The following TMX4 variants were observed in gnomAD, a reference collection of about 807,000 sequenced individuals.
TMX4 encodes thioredoxin related transmembrane protein 4.
In TMX4, 23 loss-of-function variants were observed where a neutral mutation model predicts 33.3. The ratio of observed to expected loss-of-function variants is 0.69; its 90% CI spans 0.50 to 0.98. The LOEUF (loss-of-function observed/expected upper bound fraction) is 0.98, where lower values mean the gene tolerates loss of function less well. Ranked by LOEUF, TMX4 falls within the 50% of genes least tolerant of loss-of-function variation. The pLI is 0.00. For missense variants in TMX4, 399 were observed against 448.9 expected (o/e 0.89, Z 1.01); for synonymous variants, 164 against 161.5 (o/e 1.02, Z -0.12).
At chr20:8,003,237 A>G (rs2050714636) in intron 2 of TMX4, among the ~76,000 whole-genome samples, 2 of 152,200 alleles carry the variant, frequency 1.3e-5, no homozygotes, top group African/African-American at 4.8e-5. Context: ...ATGACCAGCC[A>G]AAAATTTTAT....
At chr20:8,019,264 G>C (rs1030816645) in intron 1 of TMX4, 174 bp downstream of exon 1, 1 of 733,900 alleles carries the variant, frequency 1.4e-6, no homozygotes, top group African/African-American at 1.9e-5. Flanking sequence ...GAGCCCAGCG[G>C]CAGTGCAGGA....
In TMX4 at chr20:7,987,336, A is replaced by AT. The variant is rs1568533838; in HGVS notation, c.566dup (p.Tyr189Ter). Reference sequence around the variant, plus strand: ...CCAAGGTGGCTATGACGAAAAAGACATAAGAACACCAAGCAGGAATTCCAA... The same window carrying AT: ...CCAAGGTGGCTATGACGAAAAAGACATTAAGAACACCAAGCAGGAATTCCAA... ...VTLGIPAWCS[Y>*]VFFVIATLVF... The change falls in exon 6 of 8, where the codon TAT (tyrosine) becomes TAAT (stop). Residue 189 changes from tyrosine (Y) to a stop codon, truncating the protein, a stop_gained and frameshift_variant. Coordinates refer to ENST00000246024, the MANE Select transcript of TMX4 (RefSeq NM_021156.4). LOFTEE classifies it high-confidence loss of function. 1 of 1,601,480 alleles carries AT rather than the reference A, an allele frequency of 6.2e-7. No individual in the cohort carries two copies. Among genetic ancestry groups the AT allele is most frequent in the Non-Finnish European group, 8.5e-7 (1 of 1,176,760 alleles).
chr20:8,008,967 T>C (rs2050741370), intron 2 of TMX4, among the ~76,000 whole-genome samples: 1 of 152,158 alleles, frequency 6.6e-6, no homozygotes, highest in Non-Finnish European at 1.5e-5. Flanking sequence ...TCTATTCTGT[T>C]ATCCAAGTAA....
At position 8,003,100 on chromosome 20, in the gene TMX4, A is replaced by G. The variant is rs78546325; in HGVS notation, c.293-1559T>C. On this transcript the variant is annotated intron_variant, in intron 2 of 7. Coordinates refer to ENST00000246024, the MANE Select transcript of TMX4 (RefSeq NM_021156.4). Reference sequence around the variant, plus strand: ...AAGGGTATCCTACAGTATACTTCCAATTCTAACTTGCCAGGGGAAAAAGTA... The same window carrying G: ...AAGGGTATCCTACAGTATACTTCCAGTTCTAACTTGCCAGGGGAAAAAGTA... 1.7e-3 allele frequency among the ~76,000 whole-genome samples: 260 copies of G among 152,252 alleles called. 8 individuals carry two copies. The East Asian group carries it at 0.043, about 25-fold the overall frequency.
intron 4 of TMX4, among the ~76,000 whole-genome samples, chr20:7,998,056 A>G (rs1378837388): frequency 1.3e-5 from 2 of 152,076 alleles, no homozygotes; most frequent in African/African-American, 2.4e-5. Context: ...CACCATGATT[A>G]TAAGTTTCCT....
At chr20:8,014,917 A>G (rs963044589) in intron 1 of TMX4, among the ~76,000 whole-genome samples, 2 of 152,176 alleles carry the variant, frequency 1.3e-5, no homozygotes, top group African/African-American at 4.8e-5. Flanking sequence ...TGGGAACTGC[A>G]GATCAGAAAC....
chr20:7,977,792 A>C lies in TMX4; in HGVS notation c.*4459T>G, dbSNP rs925903068. The C allele has an allele frequency of 6.6e-6, 1 of 152,266 alleles. No homozygotes were observed. Among genetic ancestry groups the C allele is most frequent in the African/African-American group, 2.4e-5 (1 of 41,478 alleles). The allele number at this position is 152,266 out of a possible 1,614,324, so 9.4% of individuals were successfully genotyped here. On this transcript the variant is annotated 3_prime_UTR_variant, in exon 8 of 8. Coordinates refer to ENST00000246024, the MANE Select transcript of TMX4 (RefSeq NM_021156.4). ...AAAGAAGCTAATAACAAATACGATT[A>C]AACCACTTCAGAAACACGTCAAAGT...
At chr20:7,987,019 C>CT (rs762695134) in intron 6 of TMX4, among the ~76,000 whole-genome samples, 10,076 of 132,296 alleles carry the variant, frequency 0.076, 780 homozygotes, top group African/African-American at 0.21. Context: ...AGTAAGGTCT[C>CT]TTTTTTTTTT....
intron 4 of TMX4, among the ~76,000 whole-genome samples, chr20:7,998,339 G>C (rs1600143730): frequency 6.6e-6 from 1 of 152,120 alleles, no homozygotes; most frequent in Non-Finnish European, 1.5e-5. Context: ...CCAGAAACTT[G>C]TAAGTTTTTA....
chr20:8,019,416 C>T (rs1409758952), intron 1 of TMX4, 22 bp downstream of exon 1: 5 of 1,511,230 alleles, frequency 3.3e-6, no homozygotes, highest in Admixed American at 2.1e-5. Context: ...CTGCGGCGTC[C>T]GGGGCGGGCG....
In TMX4 at chr20:7,985,711, TTAAA is replaced by T. The variant is rs1234701782; in HGVS notation, c.615+1573_615+1576del. Among the ~76,000 whole-genome samples the T allele has an allele frequency of 9.2e-5, 14 of 152,236 alleles. 1 individual carries two copies. The highest frequency in any genetic ancestry group is 5.9e-5 in the Non-Finnish European group (4 of 68,042). ...CGTTAATAAAGTTAATAATATTTTG[TTAAA>T]TAAAGTTATTTTCTTATTAAGGAAG... is the stretch of plus-strand genomic sequence containing the variant. On this transcript the variant is annotated intron_variant, in intron 6 of 7. Coordinates refer to ENST00000246024, the MANE Select transcript of TMX4 (RefSeq NM_021156.4).
At chr20:7,996,218 T>A (rs569971249) in intron 4 of TMX4, 147 bp from the exon 5 acceptor site, 2 of 614,786 alleles carry the variant, frequency 3.3e-6, no homozygotes, top group Admixed American at 3.0e-5. Flanking sequence ...TTACAGAGCT[T>A]AGATTCAGTG....
chr20:8,012,088 C>T (rs970451159), intron 1 of TMX4, among the ~76,000 whole-genome samples: 1 of 152,052 alleles, frequency 6.6e-6, no homozygotes, highest in Non-Finnish European at 1.5e-5. Context: ...GAGACTCAGG[C>T]AGTTGGCAAA....
At chr20:7,983,657 C>A in intron 7 of TMX4, 137 bp downstream of exon 7, 1 of 541,636 alleles carries the variant, frequency 1.8e-6, no homozygotes, top group South Asian at 3.9e-5. Flanking sequence ...ACCTAGAAAA[C>A]ACATTTTAAG....
intron 1 of TMX4, among the ~76,000 whole-genome samples, chr20:8,017,872 T>C (rs114674892): frequency 0.015 from 2,239 of 152,314 alleles, 56 homozygotes; most frequent in African/African-American, 0.05. Context: ...AGTGGAATAT[T>C]TTAATAATTC....
intron 2 of TMX4, among the ~76,000 whole-genome samples, chr20:8,006,078 C>T (rs977664364): frequency 1.3e-5 from 2 of 152,196 alleles, no homozygotes; most frequent in Admixed American, 6.5e-5. Flanking sequence ...CACGGTAACA[C>T]ACGCCCACTG....
At chr20:7,994,927 G>T (rs1198002916) in intron 5 of TMX4, among the ~76,000 whole-genome samples, 1 of 152,102 alleles carries the variant, frequency 6.6e-6, no homozygotes, top group Non-Finnish European at 1.5e-5. Context: ...TCTGGAGAGG[G>T]GGAAATATTA....
chr20:8,000,397 T>C (rs1253316348), intron 3 of TMX4, among the ~76,000 whole-genome samples: 1 of 152,116 alleles, frequency 6.6e-6, no homozygotes, highest in East Asian at 1.9e-4. Context: ...AACTGGGGGT[T>C]CTGCTCCCAG....
Position 7,981,590 on chromosome 20 carries a change from C to G in TMX4, c.*661G>C, listed in dbSNP as rs1458590135. 1 of 152,156 alleles carries G rather than the reference C, an allele frequency of 6.6e-6. No individual in the cohort carries two copies. The highest frequency in any genetic ancestry group is 2.4e-5 in the African/African-American group (1 of 41,422). 9.4% of individuals were successfully genotyped at this position (152,156 alleles called of 1,614,324 possible). ...ACAAACACAGTTCATGTAAACCTGG[C>G]TGTTATTGGAGTCCTCTGACCAAGA... On this transcript the variant is annotated 3_prime_UTR_variant, in exon 8 of 8. Coordinates refer to ENST00000246024, the MANE Select transcript of TMX4 (RefSeq NM_021156.4).
Sources: allele counts gnomAD v4.1 joint callset (sites outside exome capture counted in the v4.1 genomes callset), GRCh38; gene constraint gnomAD v4.1.1; transcripts MANE v1.5; gene names NCBI Gene and HGNC (gene_info 2026-07-23, HGNC 2026-07-21).